Variants in ATP11A observed in about 807,000 individuals in gnomAD.
ATP11A encodes the protein ATPase phospholipid transporting 11A, also known as phospholipid-transporting ATPase IH.
A neutral mutation model predicts 154.4 loss-of-function variants in ATP11A; 81 were observed. That is an observed-to-expected ratio of 0.52 (90% CI 0.44 to 0.63). The LOEUF (loss-of-function observed/expected upper bound fraction) is 0.63. Among genes scored for constraint, ATP11A ranks in the 30% least tolerant of loss-of-function variants. ATP11A has a pLI of 0.00. For synonymous variants in ATP11A, 623 were observed against 585.9 expected (o/e 1.06, Z -0.91); for missense variants, 1,316 against 1,474.3 (o/e 0.89, Z 1.76).
chr13:112,852,066 G>A (rs2079783208), intron 18 of ATP11A, among the ~76,000 whole-genome samples: 1 of 152,188 alleles, frequency 6.6e-6, no homozygotes, highest in African/African-American at 2.4e-5. Flanking sequence ...GCTCCACAAT[G>A]GGGACTGAAA....
At chr13:112,765,946 C>T (rs930160055) in intron 1 of ATP11A, among the ~76,000 whole-genome samples, 1 of 152,250 alleles carries the variant, frequency 6.6e-6, no homozygotes, top group Non-Finnish European at 1.5e-5. Flanking sequence ...CCTTGCAGGC[C>T]GGTGTCCGGC....
At chr13:112,751,103 C>A (rs893782417) in intron 1 of ATP11A, among the ~76,000 whole-genome samples, 1 of 152,202 alleles carries the variant, frequency 6.6e-6, no homozygotes, top group Non-Finnish European at 1.5e-5. Flanking sequence ...GTGGGACCGC[C>A]CTTTTCTCAC....
chr13:112,873,552 C>T (rs777302651), intron 26 of ATP11A, 21 bp from the exon 27 acceptor site: 2 of 1,562,166 alleles, frequency 1.3e-6, no homozygotes, highest in Non-Finnish European at 8.7e-7. Context: ...CCGTTAACTG[C>T]CCTTTTTTTT....
intron 12 of ATP11A, among the ~76,000 whole-genome samples, chr13:112,830,484 G>A (rs888803762): frequency 6.6e-6 from 1 of 152,172 alleles, no homozygotes; most frequent in Non-Finnish European, 1.5e-5. Flanking sequence ...GCTGAGGCAT[G>A]AGAATTGCTT....
rs35814063 is a variant in ATP11A, at chr13:112,874,819, C to T, written c.3162-957C>T. 7.8e-3 allele frequency among the ~76,000 whole-genome samples: 1,182 copies of T among 152,242 alleles called. 9 individuals carry two copies. Among genetic ancestry groups the T allele is most frequent in the Non-Finnish European group, 0.012 (821 of 68,006 alleles). On this transcript the variant is annotated intron_variant, in intron 27 of 29. Coordinates refer to ENST00000375645, the MANE Select transcript of ATP11A (RefSeq NM_015205.3). Reference sequence around the variant, plus strand: ...GAGCCCAGCCCGGCTCTGGAGAGCCCGGCCATTCTAACAGCCCTGAAGGCG... The same window carrying T: ...GAGCCCAGCCCGGCTCTGGAGAGCCTGGCCATTCTAACAGCCCTGAAGGCG...
intron 26 of ATP11A, 126 bp downstream of exon 26, chr13:112,871,926 C>G (rs2080535370): frequency 1.9e-6 from 2 of 1,062,744 alleles, no homozygotes; most frequent in African/African-American, 3.2e-5. Context: ...TCCACCCAGC[C>G]TTGGCTGGCT....
chr13:112,764,581 C>A (rs892801979), intron 1 of ATP11A, among the ~76,000 whole-genome samples: 15 of 152,204 alleles, frequency 9.9e-5, no homozygotes, highest in African/African-American at 3.4e-4. Flanking sequence ...GGCCTGTGGG[C>A]TGTGACTGCT....
Position 112,696,237 on chromosome 13 carries a change from G to C in ATP11A, c.39+5782G>C, listed in dbSNP as rs1885786695. On this transcript the variant is annotated intron_variant, in intron 1 of 29. Coordinates refer to ENST00000375645, the MANE Select transcript of ATP11A (RefSeq NM_015205.3). This position sits in a 1 kb window ranked among gnomAD's most constrained non-coding sequence, Gnocchi z 6.2. ...GCGTCTTTGTTGCGCGCATGGACCTGCGGCTGCATCACCGTCCATGCTTCT... is the reference window on the plus strand; with the variant it reads ...GCGTCTTTGTTGCGCGCATGGACCTCCGGCTGCATCACCGTCCATGCTTCT... 6.6e-6 allele frequency among the ~76,000 whole-genome samples: 1 copy of C among 152,222 alleles called. No individual in the cohort carries two copies. The highest frequency in any genetic ancestry group is 6.5e-5 in the Admixed American group (1 of 15,286).
intron 17 of ATP11A, among the ~76,000 whole-genome samples, chr13:112,849,041 A>G (rs915491398): frequency 6.6e-6 from 1 of 152,092 alleles, no homozygotes; most frequent in African/African-American, 2.4e-5. Context: ...TTCTCTCCCC[A>G]GTTTATTAAG....
In ATP11A at chr13:112,711,820, G is replaced by A. The variant is rs745394117; in HGVS notation, c.39+21365G>A. On this transcript the variant is annotated intron_variant, in intron 1 of 29. Transcript: ENST00000375645. ...AGGCAGCTCTTGGATTGCTGTGAAC[G>A]TAGGGGAGCAAGGCTCCACGCCCTC... Among the ~76,000 whole-genome samples the A allele has an allele frequency of 2.0e-5, 3 of 152,362 alleles. No individual in the cohort carries two copies. In the East Asian group the frequency reaches 5.8e-4, roughly 29 times the overall value.
At chr13:112,803,281 G>C (rs1333708508) in intron 2 of ATP11A, among the ~76,000 whole-genome samples, 2 of 152,190 alleles carry the variant, frequency 1.3e-5, no homozygotes, top group Non-Finnish European at 2.9e-5. Context: ...GGTTAGTTTA[G>C]GACCATACCA....
chr13:112,855,557 A>G (rs1383688307), intron 19 of ATP11A, among the ~76,000 whole-genome samples: 1 of 152,228 alleles, frequency 6.6e-6, no homozygotes, highest in Non-Finnish European at 1.5e-5. Flanking sequence ...CAGAAACCCA[A>G]GGACTTAGCT....
chr13:112,755,339 A>T (rs2076795600), intron 1 of ATP11A, among the ~76,000 whole-genome samples: 1 of 151,198 alleles, frequency 6.6e-6, no homozygotes, highest in Non-Finnish European at 1.5e-5. Context: ...GGATCCTAGA[A>T]CTCTGCCCAG....
At position 112,883,122 on chromosome 13, in the gene ATP11A, C is replaced by CGT. The variant is rs1566614187; in HGVS notation, c.*1256_*1257insGT. 0.013 allele frequency: 45 copies of CGT among 3,550 alleles called. No individual in the cohort carries two copies. Among genetic ancestry groups the CGT allele is most frequent in the African/African-American group, 0.023 (42 of 1,834 alleles). The allele number at this position is 3,550 out of a possible 1,614,324, so 0.2% of individuals were successfully genotyped here. On this transcript the variant is annotated 3_prime_UTR_variant, in exon 30 of 30. Coordinates refer to ENST00000375645, the MANE Select transcript of ATP11A (RefSeq NM_015205.3). ...ACCTCGTCCCCACGTCCCCTCGTCT[C>CGT]CTCATCCCCACGTCCTCTCGTCCCC...
chr13:112,837,546 C>T (rs1331379149), intron 16 of ATP11A, among the ~76,000 whole-genome samples: 1 of 152,208 alleles, frequency 6.6e-6, no homozygotes, highest in Non-Finnish European at 1.5e-5. Context: ...GAGCCCTCCA[C>T]GCAGCGTCAG....
chr13:112,785,890 C>T lies in ATP11A; in HGVS notation c.162+633C>T, dbSNP rs1222141914. On this transcript the variant is annotated intron_variant, in intron 2 of 29. Coordinates refer to ENST00000375645, the MANE Select transcript of ATP11A (RefSeq NM_015205.3). This position sits in a 1 kb window ranked among gnomAD's most constrained non-coding sequence, Gnocchi z 4.8. The stretch of plus-strand genomic sequence containing the variant: ...TGGAAATTTAGCTGCTGCCATTAAA[C>T]ATGGGGTAAACTGTGCTTTCCAGGT... Among the ~76,000 whole-genome samples, 1 of 152,214 alleles carries T rather than the reference C, an allele frequency of 6.6e-6. No individual in the cohort carries two copies. Among genetic ancestry groups the T allele is most frequent in the African/African-American group, 2.4e-5 (1 of 41,448 alleles).
At chr13:112,843,794 A>T (rs1391693268) in intron 17 of ATP11A, among the ~76,000 whole-genome samples, 3 of 152,206 alleles carry the variant, frequency 2.0e-5, no homozygotes, top group East Asian at 3.8e-4. Context: ...GAGCCTGTGA[A>T]CTTCGTGGAA....
At chr13:112,880,501 GC>G in intron 29 of ATP11A, 1 of 1,277,386 alleles carries the variant, frequency 7.8e-7, no homozygotes, top group Non-Finnish European at 1.0e-6. Context: ...ACTCCTGGTG[GC>G]CCCGTGTGGC....
rs116418833 is a variant in ATP11A, at chr13:112,754,969, C to G, written c.40-30166C>G. Reference sequence around the variant, plus strand: ...TCCGCGGTGGGCGCAGAGCTCCTGCCGAGGGCTGGATGGCGCGGACCTGGG... The same window carrying G: ...TCCGCGGTGGGCGCAGAGCTCCTGCGGAGGGCTGGATGGCGCGGACCTGGG... On this transcript the variant is annotated intron_variant, in intron 1 of 29. Transcript: ENST00000375645. This position sits in a 1 kb window ranked among gnomAD's most constrained non-coding sequence, Gnocchi z 5.3. Among the ~76,000 whole-genome samples, 603 of 152,244 alleles carry G rather than the reference C, an allele frequency of 4.0e-3. 4 individuals are homozygous for G. The highest frequency in any genetic ancestry group is 0.014 in the African/African-American group (569 of 41,548).
Sources: gnomAD v4.1 joint callset for allele counts (sites outside exome capture counted in the v4.1 genomes callset) on GRCh38, gnomAD v4.1.1 for gene constraint, Gnocchi (gnomAD v3.1) non-coding constraint, MANE v1.5 for transcripts, NCBI Gene and HGNC (gene_info 2026-07-23, HGNC 2026-07-21) for gene names.